Variants in WNK3 observed in about 807,000 individuals in gnomAD.
WNK3 encodes WNK lysine deficient protein kinase 3.
Under a neutral mutation model 116.7 loss-of-function variants are expected in WNK3, and 18 were observed. The observed-to-expected ratio is 0.15, with a 90% CI of 0.11 to 0.23. The LOEUF (loss-of-function observed/expected upper bound fraction) is 0.23, where lower values mean the gene tolerates loss of function less well. Ranked by LOEUF, WNK3 falls within the 10% of genes least tolerant of loss-of-function variation. The pLI is 1.00. For missense variants in WNK3, 993 were observed against 1,323.8 expected, an observed-to-expected ratio of 0.75 and a Z score of 3.88; for synonymous variants, 404 against 469.4, an observed-to-expected ratio of 0.86 and a Z score of 1.80.
At chrX:54,278,201 T>G (rs192137633) in intron 10 of WNK3, among the ~76,000 whole-genome samples, 1 of 110,508 alleles carries the variant, frequency 9.0e-6, no homozygotes, top group East Asian at 2.8e-4. Context: ...TGCTGAAAAT[T>G]ACAAAATGCT....
chrX:54,308,389 A>G (rs2068849931), intron 4 of WNK3, among the ~76,000 whole-genome samples: 1 of 109,429 alleles, frequency 9.1e-6, no homozygotes, highest in Non-Finnish European at 1.9e-5. Flanking sequence ...ACGGGGTTTC[A>G]CCATGTTGGC....
chrX:54,249,558 T>C (rs782261724), exon 17 of WNK3: 1 of 1,211,758 alleles, frequency 8.3e-7, no homozygotes. Flanking sequence ...AGGTGAAAAG[T>C]GCACGGTGGC....
chrX:54,332,133 T>C (rs1603399833), intron 2 of WNK3, among the ~76,000 whole-genome samples: 1 of 112,316 alleles, frequency 8.9e-6, no homozygotes, highest in South Asian at 3.7e-4. Context: ...TTCTATGATG[T>C]TCTGTCCCTA....
chrX:54,333,020 G>T, intron 2 of WNK3, 117 bp downstream of exon 2: 1 of 519,989 alleles, frequency 1.9e-6, no homozygotes, highest in East Asian at 3.5e-5. Context: ...TCTAGGATGT[G>T]GGGGACAAGC....
chrX:54,204,847 A>G (rs2067535649), intron 22 of WNK3, among the ~76,000 whole-genome samples: 1 of 112,412 alleles, frequency 8.9e-6, no homozygotes, highest in African/African-American at 3.2e-5. Flanking sequence ...TCTCTTAGAA[A>G]TATTTTTGTG....
At chrX:54,244,328 C>T (rs782777235) in intron 17 of WNK3, among the ~76,000 whole-genome samples, 5 of 111,224 alleles carry the variant, frequency 4.5e-5, no homozygotes, top group Non-Finnish European at 7.5e-5. Context: ...ATCCAGTAGC[C>T]CTTTAAGTAG....
At chrX:54,238,553 G>A in intron 18 of WNK3, 81 bp from the exon 19 acceptor site, 1 of 981,377 alleles carries the variant, frequency 1.0e-6, no homozygotes. Context: ...CAAAAATGAA[G>A]AAAAGTAGAA....
intron 8 of WNK3, among the ~76,000 whole-genome samples, chrX:54,294,054 A>G (rs1385478792): frequency 1.8e-5 from 2 of 110,378 alleles, no homozygotes; most frequent in Non-Finnish European, 3.8e-5. Context: ...AGTGGCACGC[A>G]CTTGTAGTCC....
intron 1 of WNK3, among the ~76,000 whole-genome samples, chrX:54,352,902 G>A (rs781845080): frequency 8.9e-6 from 1 of 111,895 alleles, no homozygotes; most frequent in South Asian, 3.8e-4. Flanking sequence ...CCATAAAAAG[G>A]AATAAAGTAA....
chrX:54,268,493 C>CA (rs1254289079), intron 10 of WNK3, among the ~76,000 whole-genome samples: 1 of 109,930 alleles, frequency 9.1e-6, no homozygotes, highest in Non-Finnish European at 1.9e-5. Context: ...GACCCTGCCT[C>CA]AAAAAAATTT....
chrX:54,200,163 T>G (rs2067487462), intron 23 of WNK3, among the ~76,000 whole-genome samples: 1 of 112,458 alleles, frequency 8.9e-6, no homozygotes, highest in Admixed American at 9.5e-5. Flanking sequence ...TTATAGCCTA[T>G]ATCTTTCTTT....
intron 22 of WNK3, among the ~76,000 whole-genome samples, chrX:54,216,088 G>A (rs1030454844): frequency 2.7e-5 from 3 of 109,522 alleles, no homozygotes; most frequent in Admixed American, 2.0e-4. Context: ...CAGCATGCTC[G>A]TTAAGAGTCA....
intron 22 of WNK3, among the ~76,000 whole-genome samples, chrX:54,218,960 A>T (rs995033255): frequency 2.3e-4 from 26 of 112,027 alleles, no homozygotes; most frequent in African/African-American, 6.8e-4. Context: ...AAAAAAATTT[A>T]AAAAAGTGAA....
chrX:54,284,533 C>CAA (rs1225497747), intron 10 of WNK3, among the ~76,000 whole-genome samples: 5 of 98,052 alleles, frequency 5.1e-5, no homozygotes, highest in Non-Finnish European at 1.0e-4. Flanking sequence ...AACATGTTTA[C>CAA]AAAAAAAAAA....
At chrX:54,346,676 C>T (rs2069436090) in intron 1 of WNK3, among the ~76,000 whole-genome samples, 2 of 108,842 alleles carry the variant, frequency 1.8e-5, no homozygotes, top group Admixed American at 1.0e-4. Flanking sequence ...TTCTGCCTTT[C>T]AATCCTTGGA....
chrX:54,231,578 T>C (rs2067898989), intron 21 of WNK3, among the ~76,000 whole-genome samples: 1 of 111,910 alleles, frequency 8.9e-6, no homozygotes, highest in African/African-American at 3.2e-5. Flanking sequence ...CTGACACTGT[T>C]TCCCTTTTCT....
At chrX:54,355,964 C>T (rs1557179328) in intron 1 of WNK3, among the ~76,000 whole-genome samples, 1 of 111,550 alleles carries the variant, frequency 9.0e-6, no homozygotes, top group Admixed American at 9.6e-5. Flanking sequence ...TGTATTCAAA[C>T]TGCGGGTAGC....
At chrX:54,338,086 T>A (rs2069266981) in intron 1 of WNK3, among the ~76,000 whole-genome samples, 1 of 110,591 alleles carries the variant, frequency 9.0e-6, no homozygotes, top group East Asian at 2.9e-4. Flanking sequence ...AAACTTTGCC[T>A]TCAGGTCCAT....
At chrX:54,334,934 G>A (rs1471625895) in intron 1 of WNK3, among the ~76,000 whole-genome samples, 1 of 111,491 alleles carries the variant, frequency 9.0e-6, no homozygotes, top group Non-Finnish European at 1.9e-5. Flanking sequence ...GTTTAATTAA[G>A]TATCTCAAAA....
Sources: allele counts gnomAD v4.1 joint callset (sites outside exome capture counted in the v4.1 genomes callset), GRCh38; gene constraint gnomAD v4.1.1; transcripts MANE v1.5; gene names NCBI Gene and HGNC (gene_info 2026-07-23, HGNC 2026-07-21).